The following SACS variants were observed in gnomAD, a reference collection of about 807,000 sequenced individuals.
The protein encoded by SACS is sacsin.
In SACS, 197 loss-of-function variants were observed where a neutral mutation model predicts 348.0. That is an observed-to-expected ratio of 0.57 (90% CI 0.50 to 0.64). SACS has a LOEUF of 0.64. Among genes scored for constraint, SACS ranks in the 30% least tolerant of loss-of-function variants. SACS has a pLI of 0.00. For missense variants in SACS, 4,999 were observed against 5,360.8 expected, an observed-to-expected ratio of 0.93 and a Z score of 2.11; for synonymous variants, 1,985 against 1,910.6, an observed-to-expected ratio of 1.04 and a Z score of -1.02.
rs140324980 is a variant in SACS at position 23,373,516 on chromosome 13, G to A, written c.171+1603C>T. On this transcript the variant is annotated intron_variant, in intron 3 of 9. Transcript: ENST00000382292. ...CGGGGGGCTGAGCGCAGTGGCTCAC[G>A]CCTATAATCCCAACACTTTGAGAGG... 846 of 153,932 alleles carry A rather than the reference G, an allele frequency of 5.5e-3. 4 individuals are homozygous for A. Among genetic ancestry groups the A allele is most frequent in the Middle Eastern group, 0.04 (12 of 302 alleles). The allele number at this position is 153,932 out of a possible 1,614,324, so 9.5% of individuals were successfully genotyped here.
chr13:23,340,634 G>T lies in SACS; in HGVS notation c.3242C>A (p.Pro1081Gln). The T allele has an allele frequency of 6.2e-7, 1 of 1,607,526 alleles. No individual in the cohort carries two copies. Among genetic ancestry groups the T allele is most frequent in the Non-Finnish European group, 8.5e-7 (1 of 1,178,344 alleles). The change falls in exon 10 of 10, where the codon CCA (proline) becomes CAA (glutamine). Residue 1081 changes from proline (P) to glutamine (Q), a missense_variant. Coordinates refer to ENST00000382292, the MANE Select transcript of SACS (RefSeq NM_014363.6). ...CTGTCTTAAGGAGTGAAGAATATCT[G>T]GTGAGGTAAAAACTGAGGGTGGGAA... ...TYFPPSVFTS[P>Q]DILHSLRQIG...
At chr13:23,431,911 G>A (rs899197022) in intron 1 of SACS, among the ~76,000 whole-genome samples, 7 of 152,234 alleles carry the variant, frequency 4.6e-5, no homozygotes, top group Non-Finnish European at 1.0e-4. Flanking sequence ...CACCATGGTG[G>A]TTAGGTAGAT....
chr13:23,377,398 T>C (rs2137854076), intron 2 of SACS, among the ~76,000 whole-genome samples: 1 of 152,166 alleles, frequency 6.6e-6, no homozygotes, highest in South Asian at 2.1e-4. Flanking sequence ...AAAACCTCGG[T>C]TTTTCCGTGG....
At chr13:23,408,841 T>C (rs376355188) in intron 2 of SACS, among the ~76,000 whole-genome samples, 1 of 150,950 alleles carries the variant, frequency 6.6e-6, no homozygotes, top group Admixed American at 6.6e-5. Context: ...GGTGGGCACC[T>C]GTAGTCCCAG....
intron 7 of SACS, among the ~76,000 whole-genome samples, chr13:23,357,439 A>G (rs1870464730): frequency 6.6e-6 from 1 of 152,230 alleles, no homozygotes; most frequent in African/African-American, 2.4e-5. Flanking sequence ...AAATTTGGCT[A>G]GAGTTGGGAT....
At chr13:23,352,665 G>A (rs1212576652) in intron 9 of SACS, among the ~76,000 whole-genome samples, 2 of 151,916 alleles carry the variant, frequency 1.3e-5, no homozygotes, top group Non-Finnish European at 2.9e-5. Flanking sequence ...GTTCCAAATC[G>A]TTAGAGCAAA....
Position 23,331,295 on chromosome 13 carries a change from T to C in SACS, c.12581A>G (p.Tyr4194Cys), listed in dbSNP as rs1486450052. Residue 4194 changes from tyrosine to cysteine, a missense_variant, in exon 10 of 10, where the codon TAT (tyrosine) becomes TGT (cysteine). Physicochemically the swap from Tyr to Cys is radical, Grantham distance 194 (BLOSUM62 -2). Around this residue, in one of 6 missense-constraint regions of SACS, gnomAD observed 831 missense variants for 941.8 expected, o/e 0.88. Coordinates refer to ENST00000382292, the MANE Select transcript of SACS (RefSeq NM_014363.6). ...TGTGTATGTTGGCTGGTATGATCCA[T>C]AGATATCACCACCTTCAGCATCAAC... The part of the protein sequence containing the change: ...YLVDAEGGDI[Y>C]GSYQPTYTYA... 1.2e-5 allele frequency: 20 copies of C among 1,614,010 alleles called. No individual in the cohort carries two copies. The highest frequency in any genetic ancestry group is 2.2e-5 in the East Asian group (1 of 44,882).
chr13:23,423,256 T>C (rs1310555077), intron 1 of SACS, among the ~76,000 whole-genome samples: 2 of 152,164 alleles, frequency 1.3e-5, no homozygotes, highest in African/African-American at 4.8e-5. Flanking sequence ...TATCCATCCC[T>C]AATAACTAGA....
rs201210254 is a variant in SACS, at chr13:23,370,409, CAA to C, written c.259+667_259+668del. ...GTGCCATAAACTTATCCATCATCTC[CAA>C]AAGTTTCCTCCCATCTCTTCTGTTG... On this transcript the variant is annotated intron_variant, in intron 4 of 9. Transcript: ENST00000382292. 5.2e-3 allele frequency among the ~76,000 whole-genome samples: 797 copies of C among 152,274 alleles called. 4 individuals are homozygous for C. Among genetic ancestry groups the C allele is most frequent in the Middle Eastern group, 0.041 (12 of 294 alleles).
Position 23,341,174 on chromosome 13 carries a change from T to A in SACS, c.2702A>T (p.Asp901Val), listed in dbSNP as rs769056718. 1 of 1,613,520 alleles carries A rather than the reference T, an allele frequency of 6.2e-7. No homozygotes were observed. The highest frequency in any genetic ancestry group is 8.5e-7 in the Non-Finnish European group (1 of 1,180,018). ...QITSLLPTHK[D>V]ALRKFLASLT... is the part of the protein sequence containing the mutation. ...ACTAGCCAAGAACTTCCTCAGGGCA[T>A]CTTTGTGTGTTGGAAGTAGCGAAGT... The change falls in exon 10 of 10, where the codon GAT (aspartate) becomes GTT (valine). Residue 901 changes from aspartate to valine, a missense_variant. Coordinates refer to ENST00000382292, the MANE Select transcript of SACS (RefSeq NM_014363.6).
At chr13:23,345,130 C>T (rs1014934215) in intron 9 of SACS, among the ~76,000 whole-genome samples, 1 of 152,160 alleles carries the variant, frequency 6.6e-6, no homozygotes, top group African/African-American at 2.4e-5. Flanking sequence ...GTTTTTTATA[C>T]TTTTCTCTTG....
rs143375673 is a variant in SACS, at chr13:23,381,355, G to GCGCACA, written c.21-6087_21-6086insTGTGCG. ...TCTGGCTGGACATGGGCAGCACGAA[G>GCGCACA]CACACACACACACACACACACACAC... On this transcript the variant is annotated intron_variant, in intron 2 of 9. Coordinates refer to ENST00000382292, the MANE Select transcript of SACS (RefSeq NM_014363.6). Among the ~76,000 whole-genome samples the GCGCACA allele has an allele frequency of 8.1e-4, 114 of 140,072 alleles. 1 individual carries two copies. The highest frequency in any genetic ancestry group is 7.1e-3 in the Middle Eastern group (2 of 282). 91.9% of individuals were successfully genotyped at this position (140,072 alleles called of 152,430 possible).
At chr13:23,409,040 CTTTTTTTT>C (rs1175897856) in intron 2 of SACS, among the ~76,000 whole-genome samples, 38 of 35,142 alleles carry the variant, frequency 1.1e-3, no homozygotes, top group African/African-American at 3.2e-3. Flanking sequence ...ACAAGTTTTA[CTTTTTTTT>C]TTTTTTTTTT....
intron 2 of SACS, among the ~76,000 whole-genome samples, chr13:23,375,968 A>G (rs1300938615): frequency 6.6e-6 from 1 of 152,092 alleles, no homozygotes; most frequent in African/African-American, 2.4e-5. Context: ...AAGCATCTCC[A>G]GTAAGATCTA....
At chr13:23,356,515 C>T (rs1045943466) in intron 7 of SACS, among the ~76,000 whole-genome samples, 1 of 152,218 alleles carries the variant, frequency 6.6e-6, no homozygotes, top group African/African-American at 2.4e-5. Flanking sequence ...GCCTCTGGAG[C>T]GGAAGCACTT....
Position 23,341,579 on chromosome 13 carries a change from G to A in SACS, c.2297C>T (p.Pro766Leu). 1 of 1,613,896 alleles carries A rather than the reference G, an allele frequency of 6.2e-7. No individual in the cohort carries two copies. Among genetic ancestry groups the A allele is most frequent in the Non-Finnish European group, 8.5e-7 (1 of 1,179,976 alleles). Residue 766 changes from proline (P) to leucine (L), a missense_variant, in exon 10 of 10, where the codon CCA becomes CTA. Transcript: ENST00000382292. ...PGRELIVQWY[P>L]FDENRNHPSV... ...TGGGTGATTTCTGTTTTCATCAAAT[G>A]GATACCATTGAACAATCAATTCTCT...
intron 6 of SACS, among the ~76,000 whole-genome samples, chr13:23,360,408 C>T (rs1002325327): frequency 2.1e-5 from 3 of 146,210 alleles, no homozygotes; most frequent in Non-Finnish European, 4.5e-5. Context: ...AAAAAAAGGA[C>T]CACAAAAAGT....
intron 1 of SACS, among the ~76,000 whole-genome samples, chr13:23,420,956 G>A (rs924890345): frequency 2.6e-5 from 4 of 151,968 alleles, no homozygotes; most frequent in African/African-American, 9.7e-5. Flanking sequence ...CCACTTGGGT[G>A]TTGGTGTCCA....
intron 4 of SACS, among the ~76,000 whole-genome samples, chr13:23,368,823 C>A (rs1022147817): frequency 6.6e-5 from 10 of 152,032 alleles, no homozygotes; most frequent in Non-Finnish European, 1.5e-4. Context: ...CTCAGCCTCC[C>A]GAATAGCTGG....
Sources: allele counts gnomAD v4.1 joint callset (sites outside exome capture counted in the v4.1 genomes callset), GRCh38; gene constraint gnomAD v4.1.1; regional missense constraint gnomAD v4.1.1; transcripts MANE v1.5; gene names NCBI Gene and HGNC (gene_info 2026-07-23, HGNC 2026-07-21).